Variants in MYO1D observed in about 807,000 individuals in gnomAD.
MYO1D encodes the protein myosin ID.
A neutral mutation model predicts 122.0 loss-of-function variants in MYO1D; 83 were observed. The ratio of observed to expected loss-of-function variants is 0.68; its 90% CI spans 0.57 to 0.82. The LOEUF is 0.82. Ranked by LOEUF, MYO1D falls within the 40% of genes least tolerant of loss-of-function variation. The pLI is 0.00. For synonymous variants in MYO1D, 464 were observed against 446.9 expected, an observed-to-expected ratio of 1.04 and a Z score of -0.48; for missense variants, 1,157 against 1,269.5, an observed-to-expected ratio of 0.91 and a Z score of 1.35.
Position 32,707,879 on chromosome 17 carries a change from A to G in MYO1D, c.2121+4109T>C, listed in dbSNP as rs146746992. Among the ~76,000 whole-genome samples the G allele has an allele frequency of 7.9e-5, 12 of 152,318 alleles. No homozygotes were observed. The East Asian group carries it at 1.2e-3, about 15-fold the overall frequency. ...CTCTAAGGAGCTCCCCTGGTAGACAACACTTGGCATGTGTTGACACAGCTC... is the reference window on the plus strand; with the variant it reads ...CTCTAAGGAGCTCCCCTGGTAGACAGCACTTGGCATGTGTTGACACAGCTC... On this transcript the variant is annotated intron_variant, in intron 16 of 21. Coordinates refer to ENST00000318217, the MANE Select transcript of MYO1D (RefSeq NM_015194.3).
At chr17:32,650,334 A>C (rs1355725409) in intron 19 of MYO1D, among the ~76,000 whole-genome samples, 1 of 151,906 alleles carries the variant, frequency 6.6e-6, no homozygotes, top group Non-Finnish European at 1.5e-5. Context: ...TCTCTTTATT[A>C]CTGGTATTGA....
rs2090468596 is a variant in MYO1D, at chr17:32,802,400, T to A, written c.96-21616A>T. Among the ~76,000 whole-genome samples the A allele has an allele frequency of 2.0e-5, 3 of 152,216 alleles. No homozygotes were observed. The South Asian group carries it at 6.2e-4, about 32-fold the overall frequency. On this transcript the variant is annotated intron_variant, in intron 1 of 21. Coordinates refer to ENST00000318217, the MANE Select transcript of MYO1D (RefSeq NM_015194.3). ...CATTTTTTCTAAGTTTTATTTTTAA[T>A]ATCAGCTAAAGAAAAAAATTTTTTT...
chr17:32,869,892 C>A (rs2091164117), intron 1 of MYO1D, among the ~76,000 whole-genome samples: 1 of 151,784 alleles, frequency 6.6e-6, no homozygotes, highest in Non-Finnish European at 1.5e-5. Flanking sequence ...ATGATTGTGC[C>A]ATTGCACTCC....
At chr17:32,683,297 T>C (rs888129203) in intron 16 of MYO1D, among the ~76,000 whole-genome samples, 8 of 152,224 alleles carry the variant, frequency 5.3e-5, no homozygotes, top group African/African-American at 9.7e-5. Flanking sequence ...GGTGAGGAAC[T>C]GTGTTCCTTT....
At chr17:32,710,089 A>G (rs1255770215) in intron 16 of MYO1D, among the ~76,000 whole-genome samples, 1 of 152,194 alleles carries the variant, frequency 6.6e-6, no homozygotes, top group East Asian at 1.9e-4. Flanking sequence ...CTTAAAATGT[A>G]TACTGCAGAA....
chr17:32,536,737 A>T (rs567470851), intron 21 of MYO1D, among the ~76,000 whole-genome samples: 2 of 152,316 alleles, frequency 1.3e-5, no homozygotes, highest in Non-Finnish European at 2.9e-5. Context: ...TTAGAATCGG[A>T]TCTGGGTCAC....
intron 16 of MYO1D, among the ~76,000 whole-genome samples, chr17:32,695,914 C>G (rs905539311): frequency 6.6e-6 from 1 of 151,972 alleles, no homozygotes; most frequent in Non-Finnish European, 1.5e-5. Flanking sequence ...GTTGGGGAAC[C>G]CTGAGCACTG....
At chr17:32,731,594 T>C (rs951167964) in intron 14 of MYO1D, among the ~76,000 whole-genome samples, 4 of 152,212 alleles carry the variant, frequency 2.6e-5, no homozygotes, top group African/African-American at 9.6e-5. Flanking sequence ...CTTTAAGGTC[T>C]GGTATTGGTG....
chr17:32,689,432 T>C (rs554022276), intron 16 of MYO1D, among the ~76,000 whole-genome samples: 3 of 152,322 alleles, frequency 2.0e-5, no homozygotes, highest in Admixed American at 2.0e-4. Flanking sequence ...TTTGAATAGA[T>C]AGCGATGTTT....
At chr17:32,654,078 G>A in intron 18 of MYO1D, 131 bp from the exon 19 acceptor site, 1 of 667,720 alleles carries the variant, frequency 1.5e-6, no homozygotes, top group Non-Finnish European at 2.4e-6. Context: ...CCTCACCCCA[G>A]ATGGTAAGCT....
At chr17:32,869,916 G>C (rs1002165929) in intron 1 of MYO1D, among the ~76,000 whole-genome samples, 1 of 152,114 alleles carries the variant, frequency 6.6e-6, no homozygotes, top group Non-Finnish European at 1.5e-5. Context: ...CTGGGTGACA[G>C]AGTGAGACCT....
chr17:32,871,209 A>C (rs1377992138), intron 1 of MYO1D, among the ~76,000 whole-genome samples: 1 of 152,162 alleles, frequency 6.6e-6, no homozygotes, highest in Non-Finnish European at 1.5e-5. Context: ...CCACCCACAC[A>C]CAACCCCCCC....
chr17:32,711,200 A>C (rs1368260725), intron 16 of MYO1D, among the ~76,000 whole-genome samples: 1 of 152,204 alleles, frequency 6.6e-6, no homozygotes, highest in Non-Finnish European at 1.5e-5. Context: ...TGAAATGAGA[A>C]GGGGCCTTGC....
intron 19 of MYO1D, among the ~76,000 whole-genome samples, 158 bp downstream of exon 19, chr17:32,653,685 C>T (rs1456049826): frequency 3.3e-5 from 5 of 151,804 alleles, no homozygotes; most frequent in African/African-American, 1.2e-4. Flanking sequence ...GTAGTCACCT[C>T]AGCCATTCCT....
Position 32,828,595 on chromosome 17 carries a change from G to C in MYO1D, c.96-47811C>G, listed in dbSNP as rs376717598. On this transcript the variant is annotated intron_variant, in intron 1 of 21. Coordinates refer to ENST00000318217, the MANE Select transcript of MYO1D (RefSeq NM_015194.3). ...AATGAGTCAAGCAGAGAATGAGCAG[G>C]CTCTGGCCAAGTATGCCAGGTTCCA... 3.3e-4 allele frequency among the ~76,000 whole-genome samples: 50 copies of C among 152,024 alleles called. No homozygotes were observed. The East Asian group carries it at 8.1e-3, about 25-fold the overall frequency.
intron 15 of MYO1D, among the ~76,000 whole-genome samples, chr17:32,714,060 TA>T (rs2089412507): frequency 6.6e-6 from 1 of 151,772 alleles, no homozygotes; most frequent in African/African-American, 2.4e-5. Context: ...TTTTTTTTTT[TA>T]ATAATTATTT....
intron 2 of MYO1D, among the ~76,000 whole-genome samples, chr17:32,779,068 A>C (rs1246905828): frequency 6.6e-6 from 1 of 152,208 alleles, no homozygotes; most frequent in African/African-American, 2.4e-5. Context: ...AGCTCCAGAC[A>C]CAAGGTATCA....
In MYO1D at chr17:32,552,882, C is replaced by A. The variant is rs116769724; in HGVS notation, c.2864+52205G>T. 3.9e-3 allele frequency among the ~76,000 whole-genome samples: 594 copies of A among 152,100 alleles called. 4 individuals carry two copies. The highest frequency in any genetic ancestry group is 0.013 in the African/African-American group (553 of 41,488). On this transcript the variant is annotated intron_variant, in intron 21 of 21. Coordinates refer to ENST00000318217, the MANE Select transcript of MYO1D (RefSeq NM_015194.3). ...ACCTGACACCCAAGTAAATTAAAAC[C>A]AACATTTAGAATGACAGCATGAAAA...
At position 32,789,443 on chromosome 17, in the gene MYO1D, AAACAGT is replaced by A. The variant is rs1242034603; in HGVS notation, c.96-8665_96-8660del. On this transcript the variant is annotated intron_variant, in intron 1 of 21. Coordinates refer to ENST00000318217, the MANE Select transcript of MYO1D (RefSeq NM_015194.3). Reference sequence around the variant, plus strand: ...GGTATCTGATAATGGTGACATTTCAAAACAGTAAATAAATATACCAACAATAAACAT... The same window carrying A: ...GGTATCTGATAATGGTGACATTTCAAAAATAAATATACCAACAATAAACAT... Among the ~76,000 whole-genome samples the A allele has an allele frequency of 2.0e-5, 3 of 152,320 alleles. No individual in the cohort carries two copies. The East Asian group carries it at 5.8e-4, about 29-fold the overall frequency.
Sources: allele counts gnomAD v4.1 joint callset (sites outside exome capture counted in the v4.1 genomes callset), GRCh38; gene constraint gnomAD v4.1.1; transcripts MANE v1.5; gene names NCBI Gene and HGNC (gene_info 2026-07-23, HGNC 2026-07-21).